ROBO1: variants seen among roughly 807,000 people sequenced by gnomAD.
The protein encoded by ROBO1 is roundabout guidance receptor 1, also known as roundabout homolog 1.
Under a neutral mutation model 195.9 loss-of-function variants are expected in ROBO1, and 149 were observed. The observed-to-expected ratio is 0.76, with a 90% CI of 0.67 to 0.87. The LOEUF is 0.87. Ranked by LOEUF, ROBO1 falls within the 40% of genes least tolerant of loss-of-function variation. ROBO1 has a pLI of 0.00. For missense variants in ROBO1, 1,933 were observed against 2,068.3 expected (o/e 0.93, Z 1.27); for synonymous variants, 816 against 733.2 (o/e 1.11, Z -1.82).
intron 2 of ROBO1, among the ~76,000 whole-genome samples, chr3:79,467,827 G>A (rs1031318467): frequency 3.9e-5 from 6 of 152,168 alleles, no homozygotes; most frequent in African/African-American, 7.2e-5. Context: ...CTGCCGTGGG[G>A]CTAGAGCCTG....
At chr3:79,005,409 G>C (rs1184518185) in intron 3 of ROBO1, among the ~76,000 whole-genome samples, 1 of 152,172 alleles carries the variant, frequency 6.6e-6, no homozygotes, top group African/African-American at 2.4e-5. Flanking sequence ...CCAGCAGGAT[G>C]AATCATTCAG....
intron 2 of ROBO1, among the ~76,000 whole-genome samples, chr3:79,250,631 C>A (rs997342567): frequency 6.6e-6 from 1 of 151,926 alleles, no homozygotes; most frequent in Non-Finnish European, 1.5e-5. Context: ...ATAGCTTTTA[C>A]ACAATGATTA....
intron 3 of ROBO1, among the ~76,000 whole-genome samples, chr3:78,962,717 G>A (rs958604702): frequency 1.3e-5 from 2 of 151,222 alleles, no homozygotes; most frequent in South Asian, 2.1e-4. Flanking sequence ...CCAGCTACTC[G>A]GGAGGTTGAG....
chr3:79,068,102 T>C (rs1204344496), intron 3 of ROBO1, among the ~76,000 whole-genome samples: 1 of 151,892 alleles, frequency 6.6e-6, no homozygotes, highest in Non-Finnish European at 1.5e-5. Context: ...CCCTATGTTA[T>C]TGGCCACATG....
chr3:79,094,225 G>C (rs971223573), intron 3 of ROBO1, among the ~76,000 whole-genome samples: 2 of 152,006 alleles, frequency 1.3e-5, no homozygotes, highest in African/African-American at 4.8e-5. Context: ...AACATCTTCT[G>C]ATATGTCTAA....
chr3:79,644,967 T>A (rs1945775762), intron 1 of ROBO1, among the ~76,000 whole-genome samples: 1 of 151,944 alleles, frequency 6.6e-6, no homozygotes, highest in Admixed American at 6.6e-5. Flanking sequence ...CAATAATATG[T>A]CAATGAAGAA....
At chr3:79,415,399 G>T (rs1416296464) in intron 2 of ROBO1, among the ~76,000 whole-genome samples, 1 of 152,050 alleles carries the variant, frequency 6.6e-6, no homozygotes, top group Non-Finnish European at 1.5e-5. Context: ...TAATTTAAAG[G>T]TTCTTTGAGA....
chr3:78,700,918 C>T (rs1575967595), intron 8 of ROBO1, among the ~76,000 whole-genome samples: 2 of 152,208 alleles, frequency 1.3e-5, no homozygotes, highest in South Asian at 2.1e-4. Flanking sequence ...CGCACGCCAC[C>T]ACATCTGTCT....
intron 4 of ROBO1, among the ~76,000 whole-genome samples, chr3:78,895,666 G>T (rs1368628436): frequency 6.6e-6 from 1 of 152,206 alleles, no homozygotes; most frequent in East Asian, 1.9e-4. Context: ...GCAAGATTTG[G>T]CATTGCTATC....
intron 1 of ROBO1, among the ~76,000 whole-genome samples, chr3:79,653,233 AAAAT>A (rs1946064843): frequency 6.6e-6 from 1 of 151,900 alleles, no homozygotes; most frequent in South Asian, 2.1e-4. Flanking sequence ...ATTTCATGAA[AAAAT>A]AAATGAGAAA....
At chr3:79,345,378 C>T (rs1051926634) in intron 2 of ROBO1, among the ~76,000 whole-genome samples, 1 of 152,196 alleles carries the variant, frequency 6.6e-6, no homozygotes, top group Middle Eastern at 3.4e-3. Context: ...AGGCAATTGA[C>T]ACGTGACTCA....
chr3:79,327,391 G>A (rs939709703), intron 2 of ROBO1, among the ~76,000 whole-genome samples: 2 of 151,842 alleles, frequency 1.3e-5, no homozygotes, highest in African/African-American at 4.8e-5. Context: ...AAAGACTTTA[G>A]AGAATACATG....
intron 2 of ROBO1, among the ~76,000 whole-genome samples, chr3:79,366,990 AG>A (rs1380752281): frequency 6.6e-6 from 1 of 152,208 alleles, no homozygotes; most frequent in African/African-American, 2.4e-5. Context: ...TTTCCATGAA[AG>A]CTCAAATTAC....
chr3:79,557,642 G>T (rs1342086514), intron 2 of ROBO1, among the ~76,000 whole-genome samples: 1 of 150,866 alleles, frequency 6.6e-6, no homozygotes, highest in Non-Finnish European at 1.5e-5. Context: ...GCTGAGGAAC[G>T]AGAATTTCTT....
chr3:79,216,607 G>A (rs541272848), intron 2 of ROBO1, among the ~76,000 whole-genome samples: 2 of 151,792 alleles, frequency 1.3e-5, no homozygotes, highest in South Asian at 2.1e-4. Flanking sequence ...TATAGAATCT[G>A]TTAACATACC....
At chr3:79,611,231 C>T (rs1171507551) in intron 1 of ROBO1, among the ~76,000 whole-genome samples, 1 of 151,858 alleles carries the variant, frequency 6.6e-6, no homozygotes, top group Non-Finnish European at 1.5e-5. Flanking sequence ...TCAGTATGAC[C>T]ATAAAGTATA....
chr3:79,500,435 C>T (rs1360819337), intron 2 of ROBO1, among the ~76,000 whole-genome samples: 1 of 152,120 alleles, frequency 6.6e-6, no homozygotes, highest in Non-Finnish European at 1.5e-5. Flanking sequence ...TGGCCCCAGC[C>T]GCAAGTTTTA....
At chr3:79,378,154 A>ACT (rs3057946) in intron 2 of ROBO1, among the ~76,000 whole-genome samples, 89,067 of 146,562 alleles carry the variant, frequency 0.61, 26,582 homozygotes, top group African/African-American at 0.68. Flanking sequence ...TCTTATGGTC[A>ACT]CTCTCTCTCT....
At chr3:79,672,122 A>G (rs1946651193) in intron 1 of ROBO1, among the ~76,000 whole-genome samples, 1 of 152,018 alleles carries the variant, frequency 6.6e-6, no homozygotes, top group South Asian at 2.1e-4. Flanking sequence ...CTGTGAGTTC[A>G]TAAAGCTATT....
Sources: allele counts gnomAD v4.1 joint callset (sites outside exome capture counted in the v4.1 genomes callset), GRCh38; gene constraint gnomAD v4.1.1; transcripts MANE v1.5; gene names NCBI Gene and HGNC (gene_info 2026-07-23, HGNC 2026-07-21).